FGF23: variants seen among roughly 807,000 people sequenced by gnomAD.
FGF23 encodes the protein fibroblast growth factor 23, also known as phosphatonin.
Under a neutral mutation model 9.0 loss-of-function variants are expected in FGF23, and 8 were observed. The observed-to-expected ratio is 0.89, with a 90% CI of 0.52 to 1.60. The LOEUF is 1.60. FGF23 is among the 40% of genes most tolerant of loss of function. FGF23 has a pLI of 0.00. For missense variants in FGF23, 311 were observed against 344.3 expected (o/e 0.90, Z 0.77); for synonymous variants, 118 against 146.2 (o/e 0.81, Z 1.39).
chr12:4,377,520 T>C (rs563378153), intron 1 of FGF23, among the ~76,000 whole-genome samples: 332 of 122,978 alleles, frequency 2.7e-3, no homozygotes, highest in African/African-American at 9.8e-3. Context: ...AAGCTCTGCC[T>C]CCCGGGTTCA....
At chr12:4,379,337 T>G (rs2120746886) in intron 1 of FGF23, 35 bp downstream of exon 1, 1 of 1,575,030 alleles carries the variant, frequency 6.3e-7, no homozygotes, top group Non-Finnish European at 8.7e-7. Context: ...ACAACAAGGG[T>G]GCTCCCCTTC....
intron 1 of FGF23, among the ~76,000 whole-genome samples, chr12:4,373,724 T>C (rs976878195): frequency 6.6e-6 from 1 of 152,230 alleles, no homozygotes; most frequent in African/African-American, 2.4e-5. Flanking sequence ...ACATGCGTGA[T>C]AATTCAGCGA....
chr12:4,371,875 T>C (rs1020527121), intron 2 of FGF23, among the ~76,000 whole-genome samples: 2 of 152,118 alleles, frequency 1.3e-5, no homozygotes, highest in Admixed American at 1.3e-4. Context: ...CTTGAGGACC[T>C]ACGACTACAT....
Position 4,370,739 on chromosome 12 carries a change from C to T in FGF23, c.360G>A (p.Leu120=), listed in dbSNP as rs1242157426. The change falls in exon 3 of 3, where the codon CTG becomes CTA. Residue 120 remains leucine (L), a synonymous_variant. Coordinates refer to ENST00000237837, the MANE Select transcript of FGF23 (RefSeq NM_020638.3). ...PENCRFQHQT[L]ENGYDVYHSP... is the part of the protein sequence containing the mutation. Reference sequence around the variant, plus strand: ...AGTGGTAGACGTCGTACCCGTTTTCCAGCGTCTGGTGTTGGAACCTGCAGT... The same window carrying T: ...AGTGGTAGACGTCGTACCCGTTTTCTAGCGTCTGGTGTTGGAACCTGCAGT... 1.2e-6 allele frequency: 2 copies of T among 1,613,996 alleles called. No homozygotes were observed. Among genetic ancestry groups the T allele is most frequent in the Admixed American group, 3.3e-5 (2 of 60,006 alleles).
intron 2 of FGF23, among the ~76,000 whole-genome samples, chr12:4,371,187 G>C (rs1206816368): frequency 1.3e-5 from 2 of 152,186 alleles, no homozygotes; most frequent in South Asian, 4.1e-4. Flanking sequence ...ACATGAATGA[G>C]AGCACTGACG....
chr12:4,370,509 G>T lies in FGF23; in HGVS notation c.590C>A (p.Ala197Asp). Reference sequence around the variant, plus strand: ...GGAGGCCGGGGCCGGGGTCATCCGGGCCCGGGGCTTCAGCACGTTCAGGGG... The same window carrying T: ...GGAGGCCGGGGCCGGGGTCATCCGGTCCCGGGGCTTCAGCACGTTCAGGGG... The part of the protein sequence containing the change: ...RDPLNVLKPR[A>D]RMTPAPASCS... Residue 197 changes from alanine to aspartate, a missense_variant, in exon 3 of 3, where the codon GCC becomes GAC. By Grantham distance (126) the Ala-to-Asp change is moderately radical (BLOSUM62 -2). Around this residue, in one of 3 missense-constraint regions of FGF23, gnomAD observed 206 missense variants for 219.2 expected, o/e 0.94. Transcript: ENST00000237837. 4 of 1,611,666 alleles carry T rather than the reference G, an allele frequency of 2.5e-6. No homozygotes were observed. The highest frequency in any genetic ancestry group is 3.4e-6 in the Non-Finnish European group (4 of 1,178,322).
intron 1 of FGF23, among the ~76,000 whole-genome samples, chr12:4,377,913 A>G (rs1005086593): frequency 5.3e-5 from 8 of 152,214 alleles, no homozygotes; most frequent in African/African-American, 1.9e-4. Flanking sequence ...GGTAGATCCT[A>G]TTAAATATCC....
intron 1 of FGF23, among the ~76,000 whole-genome samples, chr12:4,378,418 T>G (rs533337365): frequency 6.6e-6 from 1 of 152,332 alleles, no homozygotes; most frequent in Non-Finnish European, 1.5e-5. Flanking sequence ...TCTCACGTTT[T>G]CTTAAAATAG....
In FGF23 at chr12:4,370,385, TC is replaced by T; in HGVS notation, c.713del (p.Gly238GlufsTer39). ...AGGGGCGGCAGCCTTCCGGGCCCGT[TC>T]CCCCAGCGTGCGTGTTCACTCGACC... ...RGGRVNTHAG[G>X]TGPEGCRPFA... On this transcript the variant is annotated frameshift_variant, in exon 3 of 3. Transcript: ENST00000237837. LOFTEE classifies it low-confidence loss of function (END_TRUNC). The T allele has an allele frequency of 6.2e-7, 1 of 1,613,496 alleles. No homozygotes were observed.
In FGF23 at chr12:4,370,798, G is replaced by C. The variant is rs777406158; in HGVS notation, c.316-15C>G. On this transcript the variant is annotated splice_polypyrimidine_tract_variant and intron_variant, in intron 2 of 2. Transcript: ENST00000237837. ...TCGAAATAGTGCTGGAAGGACAAGA[G>C]CGAACCACGTGAAGGCTGGCAGTGG... 8 of 1,613,026 alleles carry C rather than the reference G, an allele frequency of 5.0e-6. No homozygotes were observed. The highest frequency in any genetic ancestry group is 1.3e-5 in the African/African-American group (1 of 75,034).
rs954989010 is a variant in FGF23, at chr12:4,368,553, A to T, written c.*1790T>A. The T allele has an allele frequency of 5.4e-6, 1 of 186,302 alleles. No homozygotes were observed. Among genetic ancestry groups the T allele is most frequent in the African/African-American group, 2.3e-5 (1 of 42,772 alleles). The allele number at this position is 186,302 out of a possible 1,614,324, so 11.5% of individuals were successfully genotyped here. A position where few individuals can be genotyped will look rare whatever the true frequency, so the allele number is the denominator to read the frequency against. ...TATAGAAGGATAGGCAAACTTCCAA[A>T]TAAATAAATAAATACTGCCACATGA... On this transcript the variant is annotated 3_prime_UTR_variant, in exon 3 of 3. Coordinates refer to ENST00000237837, the MANE Select transcript of FGF23 (RefSeq NM_020638.3).
In FGF23 at chr12:4,372,239, G is replaced by A. The variant is rs541802437; in HGVS notation, c.315+355C>T. ...ATACCTAATGCTAGATGATGAGTTA[G>A]TGGGTGCAGCACACCAGCATGGCAC... On this transcript the variant is annotated intron_variant, in intron 2 of 2. Coordinates refer to ENST00000237837, the MANE Select transcript of FGF23 (RefSeq NM_020638.3). Among the ~76,000 whole-genome samples the A allele has an allele frequency of 5.3e-5, 8 of 150,534 alleles. No individual in the cohort carries two copies. In the South Asian group the frequency reaches 8.5e-4, roughly 16 times the overall value.
chr12:4,376,986 G>A (rs930256551), intron 1 of FGF23, among the ~76,000 whole-genome samples: 2 of 152,054 alleles, frequency 1.3e-5, no homozygotes, highest in Non-Finnish European at 1.5e-5. Flanking sequence ...CCGCATTCAT[G>A]TTTAACTCTT....
In FGF23 at chr12:4,376,529, G is replaced by GTT. The variant is rs140174060; in HGVS notation, c.211+2841_211+2842dup. ...ATCTTTCCTCTTTCTTTTGGGTAAC[G>GTT]TTTTTTTTTTGAGACGGAGTCTCAC... On this transcript the variant is annotated intron_variant, in intron 1 of 2. Transcript: ENST00000237837. 9.4e-5 allele frequency among the ~76,000 whole-genome samples: 14 copies of GTT among 148,818 alleles called. No individual in the cohort carries two copies. In the East Asian group the frequency reaches 9.8e-4, roughly 10 times the overall value.
rs1865028614 is a variant in FGF23 at position 4,368,532 on chromosome 12, G to A, written c.*1811C>T. On this transcript the variant is annotated 3_prime_UTR_variant, in exon 3 of 3. Coordinates refer to ENST00000237837, the MANE Select transcript of FGF23 (RefSeq NM_020638.3). ...ATTTTTATAAATATCTATAAATATA[G>A]AAGGATAGGCAAACTTCCAAATAAA... The A allele has an allele frequency of 5.4e-6, 1 of 184,914 alleles. No individual in the cohort carries two copies. The highest frequency in any genetic ancestry group is 2.3e-5 in the African/African-American group (1 of 42,642). 11.5% of individuals were successfully genotyped at this position (184,914 alleles called of 1,614,324 possible).
intron 2 of FGF23, 117 bp from the exon 3 acceptor site, chr12:4,370,900 G>T: frequency 1.2e-6 from 1 of 859,098 alleles, no homozygotes; most frequent in Non-Finnish European, 2.0e-6. Context: ...AGTTCTTAGG[G>T]CGTTGAGCCT....
chr12:4,374,097 A>G (rs1280734498), intron 1 of FGF23, among the ~76,000 whole-genome samples: 1 of 152,186 alleles, frequency 6.6e-6, no homozygotes, highest in African/African-American at 2.4e-5. Flanking sequence ...TAGGGACTGA[A>G]ATTGGACTGA....
At chr12:4,375,773 T>G (rs1865110621) in intron 1 of FGF23, among the ~76,000 whole-genome samples, 1 of 152,220 alleles carries the variant, frequency 6.6e-6, no homozygotes, top group African/African-American at 2.4e-5. Context: ...GCAGAAACAT[T>G]TACCTCATTT....
rs535512684 is a variant in FGF23, at chr12:4,373,382, C to T, written c.212-685G>A. 4.6e-5 allele frequency among the ~76,000 whole-genome samples: 7 copies of T among 152,332 alleles called. No individual in the cohort carries two copies. In the East Asian group the frequency reaches 1.2e-3, roughly 25 times the overall value. On this transcript the variant is annotated intron_variant, in intron 1 of 2. Transcript: ENST00000237837. ...TTCACCTCTATTACAGCATGTATTCCATTTAACTTGCTTTAGCTGAGTTTA... is the reference window on the plus strand; with the variant it reads ...TTCACCTCTATTACAGCATGTATTCTATTTAACTTGCTTTAGCTGAGTTTA...
Sources: gnomAD v4.1 joint callset for allele counts (sites outside exome capture counted in the v4.1 genomes callset) on GRCh38, gnomAD v4.1.1 for gene constraint, gnomAD v4.1.1 regional missense constraint, MANE v1.5 for transcripts, NCBI Gene and HGNC (gene_info 2026-07-23, HGNC 2026-07-21) for gene names.